Variants in FRMD4B observed in about 807,000 individuals in gnomAD.
The protein encoded by FRMD4B is FERM domain containing 4B.
FRMD4B carries 74 observed loss-of-function variants against 141.5 expected under a neutral mutation model. That is an observed-to-expected ratio of 0.52 (90% CI 0.43 to 0.63). FRMD4B has a LOEUF of 0.63. FRMD4B is among the 30% of genes least tolerant of loss of function. FRMD4B has a pLI of 0.00. For missense variants in FRMD4B, 1,366 were observed against 1,253.4 expected, an observed-to-expected ratio of 1.09 and a Z score of -1.36; for synonymous variants, 506 against 467.9, an observed-to-expected ratio of 1.08 and a Z score of -1.05.
intron 5 of FRMD4B, among the ~76,000 whole-genome samples, chr3:69,271,027 T>G (rs1395335446): frequency 4.6e-5 from 7 of 152,252 alleles, no homozygotes; most frequent in African/African-American, 1.4e-4. Context: ...TCCTCCACTT[T>G]CCTTTCAAGC....
chr3:69,229,920 G>A (rs2093289934), intron 7 of FRMD4B, among the ~76,000 whole-genome samples: 1 of 151,924 alleles, frequency 6.6e-6, no homozygotes, highest in South Asian at 2.1e-4. Context: ...TGGCCAGGAA[G>A]GTCTCTATCT....
intron 5 of FRMD4B, among the ~76,000 whole-genome samples, chr3:69,265,295 T>A (rs192110016): frequency 0.076 from 5,593 of 73,296 alleles, 1,352 homozygotes; most frequent in Non-Finnish European, 0.098. Context: ...TATATATATA[T>A]ATATATATAT....
At chr3:69,364,420 G>T (rs1703575909) in intron 1 of FRMD4B, among the ~76,000 whole-genome samples, 1 of 152,228 alleles carries the variant, frequency 6.6e-6, no homozygotes, top group Non-Finnish European at 1.5e-5. Context: ...GGGAGACTGG[G>T]TGCTAATGGT....
chr3:69,436,975 G>A (rs1003044043), intron 1 of FRMD4B, among the ~76,000 whole-genome samples: 1 of 152,146 alleles, frequency 6.6e-6, no homozygotes, highest in East Asian at 1.9e-4. Context: ...CAAGAGGCTG[G>A]GGGTACTGGG....
chr3:69,354,404 C>A (rs1439267945), intron 1 of FRMD4B, among the ~76,000 whole-genome samples: 2 of 151,862 alleles, frequency 1.3e-5, no homozygotes, highest in Non-Finnish European at 2.9e-5. Context: ...CTTCTCCCTC[C>A]TGAAAAAAAG....
In FRMD4B at chr3:69,414,861, G is replaced by GTTT. The variant is rs5849900; in HGVS notation, c.-1+17770_-1+17772dup. Among the ~76,000 whole-genome samples, 464 of 97,960 alleles carry GTTT rather than the reference G, an allele frequency of 4.7e-3. 2 individuals carry two copies. The highest frequency in any genetic ancestry group is 5.8e-3 in the African/African-American group (144 of 24,618). 64.3% of individuals were successfully genotyped at this position (97,960 alleles called of 152,430 possible). The stretch of plus-strand genomic sequence containing the variant: ...TGTTGAGACTCACAGCGAACAAGCT[G>GTTT]TTTTTTTTTTTTTTTTTTTTTTGAG... On this transcript the variant is annotated intron_variant, in intron 2 of 5. Coordinates refer to the FRMD4B transcript ENST00000459638.
intron 1 of FRMD4B, among the ~76,000 whole-genome samples, chr3:69,512,022 C>T (rs548287730): frequency 1.3e-5 from 2 of 152,124 alleles, no homozygotes; most frequent in African/African-American, 2.4e-5. Flanking sequence ...ATTCCACATA[C>T]AGAAATTAGC....
At chr3:69,301,248 T>C (rs760298906) in intron 4 of FRMD4B, among the ~76,000 whole-genome samples, 1 of 152,158 alleles carries the variant, frequency 6.6e-6, no homozygotes, top group South Asian at 2.1e-4. Flanking sequence ...GGTCAGTACA[T>C]AAGGAGGGCT....
At chr3:69,238,847 A>G (rs1277372080) in intron 7 of FRMD4B, among the ~76,000 whole-genome samples, 1 of 152,184 alleles carries the variant, frequency 6.6e-6, no homozygotes, top group African/African-American at 2.4e-5. Flanking sequence ...CAAAGATTTT[A>G]CCAAACACTT....
intron 5 of FRMD4B, among the ~76,000 whole-genome samples, chr3:69,261,306 A>T (rs751425701): frequency 6.6e-6 from 1 of 152,166 alleles, no homozygotes; most frequent in Non-Finnish European, 1.5e-5. Context: ...GAACTGTAAC[A>T]CTTATCACGA....
chr3:69,290,558 C>T (rs1272159080), intron 4 of FRMD4B, among the ~76,000 whole-genome samples: 1 of 152,146 alleles, frequency 6.6e-6, no homozygotes, highest in Non-Finnish European at 1.5e-5. Context: ...TTCCTGCTTT[C>T]TTGGCTTTCC....
At chr3:69,295,064 A>G (rs938840903) in intron 4 of FRMD4B, among the ~76,000 whole-genome samples, 3 of 152,198 alleles carry the variant, frequency 2.0e-5, no homozygotes, top group Non-Finnish European at 4.4e-5. Flanking sequence ...GACATACAAA[A>G]TAGTTAACAT....
chr3:69,390,322 G>A (rs1174362264), upstream of FRMD4B, among the ~76,000 whole-genome samples: 4 of 152,098 alleles, frequency 2.6e-5, no homozygotes, highest in Non-Finnish European at 4.4e-5. Flanking sequence ...GACAGATCAT[G>A]GACGTCCAAC....
intron 2 of FRMD4B, among the ~76,000 whole-genome samples, chr3:69,425,602 C>T (rs369531946): frequency 9.7e-4 from 147 of 152,288 alleles, no homozygotes; most frequent in Middle Eastern, 6.8e-3. Context: ...ATGGCTTCAG[C>T]TGAAACATAA....
At chr3:69,419,012 A>G (rs151157429) in intron 2 of FRMD4B, among the ~76,000 whole-genome samples, 1 of 152,342 alleles carries the variant, frequency 6.6e-6, no homozygotes, top group Non-Finnish European at 1.5e-5. Context: ...CAAAATGAAG[A>G]GAATCAACTG....
Position 69,182,664 on chromosome 3 carries a change from T to C in FRMD4B, c.1973A>G (p.Gln658Arg). The C allele has an allele frequency of 6.2e-7, 1 of 1,613,658 alleles. No individual in the cohort carries two copies. The highest frequency in any genetic ancestry group is 1.1e-5 in the South Asian group (1 of 91,062). Reference sequence around the variant, plus strand: ...CGTGGTGGGCATGCTTCGTCCTCCCTGGGGCCGCCTCTCCAGAGTTTTGTA... The same window carrying C: ...CGTGGTGGGCATGCTTCGTCCTCCCCGGGGCCGCCTCTCCAGAGTTTTGTA... Reference protein sequence around the residue: ...SPYKTLERRPQGGRSMPTTPV... With the variant: ...SPYKTLERRPRGGRSMPTTPV... The change falls in exon 20 of 23, where the codon CAG (glutamine) becomes CGG (arginine). Residue 658 changes from glutamine (Q) to arginine (R), a missense_variant. Physicochemically the swap from Gln to Arg is conservative, Grantham distance 43. Coordinates refer to ENST00000398540, the MANE Select transcript of FRMD4B (RefSeq NM_015123.3).
At chr3:69,433,586 C>T (rs961590196) in intron 1 of FRMD4B, among the ~76,000 whole-genome samples, 1 of 152,212 alleles carries the variant, frequency 6.6e-6, no homozygotes, top group Non-Finnish European at 1.5e-5. Context: ...GCACAAGAAG[C>T]AGGAAGTCAA....
chr3:69,193,646 A>G lies in FRMD4B; in HGVS notation c.1714+2T>C, dbSNP rs1172336123. The G allele has an allele frequency of 1.9e-6, 3 of 1,586,062 alleles. No homozygotes were observed. The highest frequency in any genetic ancestry group is 2.2e-5 in the East Asian group (1 of 44,758). Reference sequence around the variant, plus strand: ...AAAAAAAAAACCTTACTTATTACTAACCTGGTAACACTGTTGCTTTCTGGC... The same window carrying G: ...AAAAAAAAAACCTTACTTATTACTAGCCTGGTAACACTGTTGCTTTCTGGC... On this transcript the variant is annotated splice_donor_variant, in intron 17 of 22. Coordinates refer to ENST00000398540, the MANE Select transcript of FRMD4B (RefSeq NM_015123.3). LOFTEE classifies it high-confidence loss of function.
intron 1 of FRMD4B, among the ~76,000 whole-genome samples, chr3:69,498,504 T>TATAGC (rs1706439352): frequency 6.6e-6 from 1 of 152,144 alleles, no homozygotes; most frequent in African/African-American, 2.4e-5. Context: ...GTTGTGCAAA[T>TATAGC]ATAGCATGCT....
Sources: gnomAD v4.1 joint callset for allele counts (sites outside exome capture counted in the v4.1 genomes callset) on GRCh38, gnomAD v4.1.1 for gene constraint, MANE v1.5 for transcripts, NCBI Gene and HGNC (gene_info 2026-07-23, HGNC 2026-07-21) for gene names.